The following KLHL29 variants were observed in gnomAD, a reference collection of about 807,000 sequenced individuals.
KLHL29 encodes the protein kelch-like protein 29.
KLHL29 carries 21 observed loss-of-function variants against 80.4 expected under a neutral mutation model. The ratio of observed to expected loss-of-function variants is 0.26; its 90% CI spans 0.19 to 0.38. The LOEUF is 0.38. Ranked by LOEUF, KLHL29 falls within the 10% of genes least tolerant of loss-of-function variation. KLHL29 has a pLI of 1.00. For missense variants in KLHL29, 867 were observed against 1,223.9 expected (o/e 0.71, Z 4.35); for synonymous variants, 511 against 526.8 (o/e 0.97, Z 0.41).
At chr2:23,540,313 A>C (rs935844649) in intron 2 of KLHL29, among the ~76,000 whole-genome samples, 1 of 152,206 alleles carries the variant, frequency 6.6e-6, no homozygotes, top group Non-Finnish European at 1.5e-5. Flanking sequence ...ATAAAATGTA[A>C]ACTTCAGTTC....
intron 13 of KLHL29, among the ~76,000 whole-genome samples, chr2:23,705,564 T>C (rs1558453580): frequency 6.6e-6 from 1 of 150,714 alleles, no homozygotes; most frequent in Admixed American, 6.6e-5. Context: ...GATAATCAGG[T>C]AATAGGTGCA....
At chr2:23,584,140 GCGATCCCCAGGCAGGCT>G (rs1488099894) in intron 3 of KLHL29, among the ~76,000 whole-genome samples, 1 of 152,178 alleles carries the variant, frequency 6.6e-6, no homozygotes, top group African/African-American at 2.4e-5. Flanking sequence ...TAGAAGATGA[GCGATCCCCAGGCAGGCT>G]CCAGCCGGCC....
At chr2:23,481,412 A>C (rs765955224) in intron 2 of KLHL29, among the ~76,000 whole-genome samples, 4 of 152,232 alleles carry the variant, frequency 2.6e-5, no homozygotes, top group Non-Finnish European at 4.4e-5. Context: ...TCTGGAACTT[A>C]GCAAAGTGAA....
At chr2:23,479,839 G>A (rs1026082622) in intron 2 of KLHL29, among the ~76,000 whole-genome samples, 1 of 152,188 alleles carries the variant, frequency 6.6e-6, no homozygotes, top group Non-Finnish European at 1.5e-5. Context: ...TGAGGACAGG[G>A]ATCATCCTCT....
intron 1 of KLHL29, among the ~76,000 whole-genome samples, chr2:23,437,963 G>C (rs200430517): frequency 1.2e-5 from 1 of 85,760 alleles, no homozygotes; most frequent in Non-Finnish European, 3.3e-5. Flanking sequence ...TCTTCCATTT[G>C]TTTGTATCCT....
At chr2:23,410,300 T>A (rs1666831847) in intron 1 of KLHL29, among the ~76,000 whole-genome samples, 1 of 146,842 alleles carries the variant, frequency 6.8e-6, no homozygotes, top group South Asian at 2.2e-4. Flanking sequence ...GAGGGGATGG[T>A]GCATGTGGAG....
intron 1 of KLHL29, among the ~76,000 whole-genome samples, chr2:23,461,079 A>G (rs1416906220): frequency 6.6e-6 from 1 of 152,244 alleles, no homozygotes; most frequent in Admixed American, 6.5e-5. Flanking sequence ...AAATCAAACA[A>G]TAATCACCAA....
chr2:23,703,603 C>A, intron 12 of KLHL29, 116 bp from the exon 13 acceptor site: 1 of 1,283,272 alleles, frequency 7.8e-7, no homozygotes, highest in Non-Finnish European at 1.0e-6. Context: ...CCAGGCCAAT[C>A]AGTCACTTGT....
intron 1 of KLHL29, among the ~76,000 whole-genome samples, chr2:23,446,257 C>A (rs112513843): frequency 2.7e-5 from 4 of 150,316 alleles, no homozygotes; most frequent in Non-Finnish European, 5.9e-5. Context: ...TTTGTTTTTC[C>A]AAAAAGTTAT....
At chr2:23,494,011 C>T (rs1413298010) in intron 2 of KLHL29, among the ~76,000 whole-genome samples, 3 of 152,126 alleles carry the variant, frequency 2.0e-5, no homozygotes, top group Non-Finnish European at 4.4e-5. Flanking sequence ...TGCTATCTCT[C>T]GAAACATTAG....
intron 3 of KLHL29, among the ~76,000 whole-genome samples, chr2:23,563,775 C>T (rs1667514500): frequency 1.3e-5 from 2 of 152,176 alleles, no homozygotes; most frequent in Non-Finnish European, 2.9e-5. Context: ...TGGCTCGGAG[C>T]GCACTGACAT....
In KLHL29 at chr2:23,499,592, G is replaced by A. The variant is rs142084531; in HGVS notation, c.-46+23925G>A. Among the ~76,000 whole-genome samples, 42 of 152,340 alleles carry A rather than the reference G, an allele frequency of 2.8e-4. No individual in the cohort carries two copies. In the East Asian group the frequency reaches 7.3e-3, roughly 27 times the overall value. ...GCACTTCTCAGAGTTGGGCAATGAG[G>A]CTAAGGAGAAAAGGGATGGCTGGAA... On this transcript the variant is annotated intron_variant, in intron 2 of 13. Transcript: ENST00000486442.
At chr2:23,499,249 G>C (rs1665361655) in intron 2 of KLHL29, among the ~76,000 whole-genome samples, 1 of 152,106 alleles carries the variant, frequency 6.6e-6, no homozygotes, top group Non-Finnish European at 1.5e-5. Flanking sequence ...CCATGCTGGT[G>C]GGATTTCTTG....
intron 1 of KLHL29, among the ~76,000 whole-genome samples, chr2:23,445,338 CCTT>C (rs1371378412): frequency 1.3e-5 from 2 of 152,154 alleles, no homozygotes; most frequent in African/African-American, 4.8e-5. Context: ...TCTTATTTCT[CCTT>C]CTTTCTTAGA....
rs554238433 is a variant in KLHL29 at position 23,670,581 on chromosome 2, G to A, written c.941-13818G>A. Among the ~76,000 whole-genome samples, 365 of 152,274 alleles carry A rather than the reference G, an allele frequency of 2.4e-3. 1 individual carries two copies. Among genetic ancestry groups the A allele is most frequent in the African/African-American group, 8.3e-3 (346 of 41,558 alleles). On this transcript the variant is annotated intron_variant, in intron 5 of 13. Coordinates refer to ENST00000486442, the MANE Select transcript of KLHL29 (RefSeq NM_052920.2). ...TCCCTGACTCTGTGCCAGGGCCTGC[G>A]GCGGGGGGCTGATCACCTGGAGGGC...
intron 3 of KLHL29, among the ~76,000 whole-genome samples, chr2:23,616,120 T>C (rs1424243641): frequency 6.6e-6 from 1 of 152,176 alleles, no homozygotes; most frequent in Non-Finnish European, 1.5e-5. Context: ...CTGAGCCAGG[T>C]CTGCTTCTGC....
At chr2:23,593,165 A>G (rs1222449141) in intron 3 of KLHL29, among the ~76,000 whole-genome samples, 1 of 152,202 alleles carries the variant, frequency 6.6e-6, no homozygotes, top group Non-Finnish European at 1.5e-5. Context: ...AGCAGGCTGG[A>G]GAAAGAACAT....
chr2:23,549,728 G>A (rs1667073752), intron 2 of KLHL29, among the ~76,000 whole-genome samples: 1 of 152,226 alleles, frequency 6.6e-6, no homozygotes. Flanking sequence ...AAGCTCCAGT[G>A]GGCAGTGTGA....
chr2:23,501,423 G>A (rs771657981), intron 2 of KLHL29, among the ~76,000 whole-genome samples: 1 of 152,102 alleles, frequency 6.6e-6, no homozygotes, highest in South Asian at 2.1e-4. Context: ...CCGCGGCCGA[G>A]AGACAGCAGT....
Sources: gnomAD v4.1 joint callset for allele counts (sites outside exome capture counted in the v4.1 genomes callset) on GRCh38, gnomAD v4.1.1 for gene constraint, MANE v1.5 for transcripts, NCBI Gene and HGNC (gene_info 2026-07-23, HGNC 2026-07-21) for gene names.